The following MYO5C variants were observed in gnomAD, a reference collection of about 807,000 sequenced individuals.
MYO5C encodes the protein myosin VC, also known as unconventional myosin-Vc.
In MYO5C, 194 loss-of-function variants were observed where a neutral mutation model predicts 235.7. The ratio of observed to expected loss-of-function variants is 0.82; its 90% CI spans 0.73 to 0.93. The LOEUF (loss-of-function observed/expected upper bound fraction) is 0.93, where lower values mean the gene tolerates loss of function less well. MYO5C is among the 40% of genes least tolerant of loss of function. MYO5C has a pLI of 0.00. For synonymous variants in MYO5C, 707 were observed against 754.8 expected, an observed-to-expected ratio of 0.94 and a Z score of 1.04; for missense variants, 2,038 against 2,127.2, an observed-to-expected ratio of 0.96 and a Z score of 0.82.
chr15:52,208,664 C>T, intron 35 of MYO5C, 21 bp from the exon 36 acceptor site: 1 of 1,604,938 alleles, frequency 6.2e-7, no homozygotes, highest in East Asian at 2.2e-5. Context: ...TAAGAAAAGA[C>T]AAAATTGGTC....
At chr15:52,239,249 C>A (rs1217659052) in intron 21 of MYO5C, among the ~76,000 whole-genome samples, 1 of 152,218 alleles carries the variant, frequency 6.6e-6, no homozygotes, top group Non-Finnish European at 1.5e-5. Flanking sequence ...CCACGCCCGG[C>A]CTTGGATGTT....
intron 16 of MYO5C, among the ~76,000 whole-genome samples, 176 bp from the exon 17 acceptor site, chr15:52,246,218 A>G (rs2036340461): frequency 6.6e-6 from 1 of 152,192 alleles, no homozygotes; most frequent in Admixed American, 6.5e-5. Flanking sequence ...GTCCATAAAG[A>G]TGCAGTGGGA....
At chr15:52,284,443 G>A (rs1410606810) in intron 1 of MYO5C, among the ~76,000 whole-genome samples, 1 of 152,008 alleles carries the variant, frequency 6.6e-6, no homozygotes, top group Non-Finnish European at 1.5e-5. Flanking sequence ...CTGAGGGTGG[G>A]TGGGGCCAGG....
chr15:52,204,303 G>A (rs1270749485), intron 38 of MYO5C, among the ~76,000 whole-genome samples: 3 of 151,452 alleles, frequency 2.0e-5, no homozygotes, highest in Non-Finnish European at 4.4e-5. Flanking sequence ...CTCACTCCCC[G>A]CAATGCCTCT....
intron 29 of MYO5C, among the ~76,000 whole-genome samples, chr15:52,221,565 G>A (rs534115007): frequency 1.5e-3 from 224 of 152,270 alleles, no homozygotes; most frequent in African/African-American, 5.2e-3. Flanking sequence ...GGCAGCCAGC[G>A]TCTTTGGTCC....
At chr15:52,213,788 G>C (rs1046317177) in intron 33 of MYO5C, among the ~76,000 whole-genome samples, 1 of 152,244 alleles carries the variant, frequency 6.6e-6, no homozygotes, top group African/African-American at 2.4e-5. Context: ...AGGTGAGCCA[G>C]GGTGGTGAAT....
chr15:52,256,974 C>A, intron 10 of MYO5C: 1 of 415,680 alleles, frequency 2.4e-6, no homozygotes, highest in Non-Finnish European at 4.4e-6. Context: ...ATAAGCATGT[C>A]ACCATATGGT....
chr15:52,270,489 T>C (rs1362477679), intron 7 of MYO5C, among the ~76,000 whole-genome samples: 1 of 152,240 alleles, frequency 6.6e-6, no homozygotes, highest in South Asian at 2.1e-4. Flanking sequence ...AAACTGCATA[T>C]GTTTAACACG....
intron 1 of MYO5C, among the ~76,000 whole-genome samples, chr15:52,293,187 T>G (rs1166207094): frequency 2.6e-5 from 4 of 152,174 alleles, no homozygotes; most frequent in Non-Finnish European, 5.9e-5. Context: ...CCAAGACTTC[T>G]CCTGGAGTTC....
chr15:52,215,942 G>A (rs1214249199), intron 32 of MYO5C, among the ~76,000 whole-genome samples: 1 of 151,730 alleles, frequency 6.6e-6, no homozygotes, highest in East Asian at 1.9e-4. Context: ...CTCTCCTTTG[G>A]GTTGCTTTTT....
chr15:52,251,663 T>G (rs1438245183), intron 12 of MYO5C, 148 bp from the exon 13 acceptor site: 3 of 264,834 alleles, frequency 1.1e-5, no homozygotes, highest in Non-Finnish European at 2.0e-5. Flanking sequence ...ATTTATTTAT[T>G]TATTTATTTA....
At chr15:52,210,208 C>T (rs1269727739) in intron 35 of MYO5C, among the ~76,000 whole-genome samples, 2 of 152,138 alleles carry the variant, frequency 1.3e-5, no homozygotes, top group African/African-American at 4.8e-5. Flanking sequence ...AAGCGATCTA[C>T]CTGCCTCAGC....
rs759217847 is a variant in MYO5C, at chr15:52,271,842, C to T, written c.753G>A (p.Ser251=). ...LLEKSRVVFQ[S]ENERNYHIFY... ...AAATGTGGTAATTTCGTTCATTTTC[C>T]GACTGTAAGATAAAGAAATGTCCTC... Residue 251 remains serine (S), a splice_region_variant and synonymous_variant, in exon 7 of 41, where the codon TCG becomes TCA. Transcript: ENST00000261839. The T allele has an allele frequency of 6.2e-5, 98 of 1,581,346 alleles. No homozygotes were observed. Among genetic ancestry groups the T allele is most frequent in the Middle Eastern group, 3.4e-4 (2 of 5,954 alleles).
chr15:52,205,391 A>G, intron 37 of MYO5C: 2 of 514,830 alleles, frequency 3.9e-6, no homozygotes, highest in Non-Finnish European at 6.9e-6. Flanking sequence ...CACGTTTTTC[A>G]GCTTCACAGG....
intron 29 of MYO5C, among the ~76,000 whole-genome samples, 166 bp downstream of exon 29, chr15:52,223,378 T>C (rs1013814285): frequency 2.0e-5 from 3 of 152,234 alleles, no homozygotes; most frequent in South Asian, 2.1e-4. Flanking sequence ...GAGTGCTCTC[T>C]GGTCTGCAGT....
At chr15:52,210,216 A>T (rs1828933451) in intron 35 of MYO5C, among the ~76,000 whole-genome samples, 1 of 152,118 alleles carries the variant, frequency 6.6e-6, no homozygotes, top group African/African-American at 2.4e-5. Context: ...TACCTGCCTC[A>T]GCCTCCCAAA....
intron 33 of MYO5C, among the ~76,000 whole-genome samples, chr15:52,213,884 G>T (rs921390404): frequency 6.6e-6 from 1 of 152,210 alleles, no homozygotes. Flanking sequence ...GGGGCAGACT[G>T]CCATTTGTCA....
chr15:52,225,607 A>G, intron 25 of MYO5C, 75 bp from the exon 26 acceptor site: 1 of 1,002,050 alleles, frequency 1.0e-6, no homozygotes, highest in Non-Finnish European at 1.6e-6. Flanking sequence ...AGGGAACACA[A>G]TTACAGCGTT....
chr15:52,291,731 G>T (rs865921341), intron 1 of MYO5C, among the ~76,000 whole-genome samples: 110 of 52,490 alleles, frequency 2.1e-3, no homozygotes, highest in Admixed American at 4.2e-3. Flanking sequence ...CATATTTTAT[G>T]TTTTTTTTTT....
Sources: allele counts gnomAD v4.1 joint callset (sites outside exome capture counted in the v4.1 genomes callset), GRCh38; gene constraint gnomAD v4.1.1; transcripts MANE v1.5; gene names NCBI Gene and HGNC (gene_info 2026-07-23, HGNC 2026-07-21).